The following MYO16 variants were observed in gnomAD, a reference collection of about 807,000 sequenced individuals.
MYO16 encodes myosin XVI.
Under a neutral mutation model 205.3 loss-of-function variants are expected in MYO16, and 94 were observed. The ratio of observed to expected loss-of-function variants is 0.46; its 90% CI spans 0.39 to 0.54. The LOEUF (loss-of-function observed/expected upper bound fraction) is 0.54, where lower values mean the gene tolerates loss of function less well. MYO16 is among the 20% of genes least tolerant of loss of function. MYO16 has a pLI of 0.00. For synonymous variants in MYO16, 988 were observed against 954.0 expected, an observed-to-expected ratio of 1.04 and a Z score of -0.66; for missense variants, 2,315 against 2,387.5, an observed-to-expected ratio of 0.97 and a Z score of 0.63.
At chr13:108,655,611 G>A (rs751265299) in intron 1 of MYO16, among the ~76,000 whole-genome samples, 11 of 152,070 alleles carry the variant, frequency 7.2e-5, no homozygotes, top group Non-Finnish European at 1.3e-4. Flanking sequence ...TAGATCCATC[G>A]ACAGCTTGCA....
the MYO16 span, among the ~76,000 whole-genome samples, chr13:108,501,905 T>C: frequency 5.9e-5 from 9 of 152,198 alleles, no homozygotes; most frequent in African/African-American, 2.2e-4. Flanking sequence ...GGTAGTTGAC[T>C]TTGGCAAATA....
intron 4 of MYO16, among the ~76,000 whole-genome samples, chr13:108,753,007 G>A (rs1308586904): frequency 6.6e-6 from 1 of 151,778 alleles, no homozygotes; most frequent in Non-Finnish European, 1.5e-5. Flanking sequence ...TCAGGTTGAT[G>A]TAAGAGATAG....
intron 23 of MYO16, among the ~76,000 whole-genome samples, chr13:109,023,686 CATATATATGTATATATGT>C (rs1886228081): frequency 8.4e-6 from 1 of 118,900 alleles, no homozygotes; most frequent in Non-Finnish European, 1.6e-5. Flanking sequence ...TGTATATATA[CATATATATGTATATATGT>C]ATATATACAA....
the MYO16 span, among the ~76,000 whole-genome samples, chr13:108,555,654 A>G: frequency 6.6e-6 from 1 of 152,206 alleles, no homozygotes; most frequent in Non-Finnish European, 1.5e-5. Flanking sequence ...TTTGTCATTA[A>G]CTGTAATTAC....
intron 16 of MYO16, among the ~76,000 whole-genome samples, chr13:108,938,484 G>A (rs1882585054): frequency 6.6e-6 from 1 of 152,214 alleles, no homozygotes; most frequent in South Asian, 2.1e-4. Context: ...GGAGAATCCA[G>A]TGGATGGCCA....
the MYO16 span, among the ~76,000 whole-genome samples, chr13:108,581,895 A>G: frequency 6.8e-6 from 1 of 146,054 alleles, no homozygotes; most frequent in African/African-American, 2.6e-5. Flanking sequence ...AAAAAAAAGA[A>G]AAAAAAAAAA....
chr13:108,712,919 C>A (rs549972041), intron 3 of MYO16, among the ~76,000 whole-genome samples, 188 bp downstream of exon 3: 1 of 152,318 alleles, frequency 6.6e-6, no homozygotes, highest in South Asian at 2.1e-4. Context: ...TGTAAATAAT[C>A]TAGAGTTTCT....
chr13:109,098,041 A>G (rs571154823), intron 27 of MYO16, among the ~76,000 whole-genome samples: 2 of 42,694 alleles, frequency 4.7e-5, no homozygotes, highest in African/African-American at 1.7e-4. Context: ...TGTGTGGCTC[A>G]TGAGCAACAG....
chr13:108,885,911 C>G (rs992834509), intron 13 of MYO16, among the ~76,000 whole-genome samples: 1 of 152,116 alleles, frequency 6.6e-6, no homozygotes, highest in African/African-American at 2.4e-5. Context: ...TAGTTTAACC[C>G]AACAGTTTTG....
chr13:108,846,473 T>C (rs1877526168), intron 10 of MYO16, among the ~76,000 whole-genome samples: 1 of 150,606 alleles, frequency 6.6e-6, no homozygotes, highest in African/African-American at 2.4e-5. Context: ...TATATATATA[T>C]ACATACATAT....
chr13:108,714,346 T>C (rs147739936), intron 3 of MYO16, among the ~76,000 whole-genome samples: 5,143 of 152,306 alleles, frequency 0.034, 257 homozygotes, highest in African/African-American at 0.11. Context: ...TGAGCCACCG[T>C]GCCCGCCCAT....
At chr13:108,759,635 C>A (rs990020233) in intron 4 of MYO16, among the ~76,000 whole-genome samples, 1 of 152,006 alleles carries the variant, frequency 6.6e-6, no homozygotes, top group Non-Finnish European at 1.5e-5. Flanking sequence ...TCCTGGCTAA[C>A]ACGGTGAAAC....
intron 1 of MYO16, among the ~76,000 whole-genome samples, chr13:108,652,794 C>T (rs1881069657): frequency 6.6e-6 from 1 of 152,172 alleles, no homozygotes; most frequent in Non-Finnish European, 1.5e-5. Flanking sequence ...TTTATCCATT[C>T]ATCTATGGAC....
At chr13:108,974,841 G>A (rs1884192916) in intron 20 of MYO16, among the ~76,000 whole-genome samples, 1 of 152,150 alleles carries the variant, frequency 6.6e-6, no homozygotes, top group African/African-American at 2.4e-5. Context: ...CAGTAAACCA[G>A]AACTTTGTTT....
At chr13:109,082,115 C>G (rs748442654) in intron 27 of MYO16, among the ~76,000 whole-genome samples, 3 of 152,164 alleles carry the variant, frequency 2.0e-5, no homozygotes, top group Non-Finnish European at 4.4e-5. Context: ...CAGAGCTTCT[C>G]AACTTGGCAT....
chr13:108,574,093 T>C, the MYO16 span, among the ~76,000 whole-genome samples: 24 of 152,172 alleles, frequency 1.6e-4, no homozygotes, highest in Non-Finnish European at 7.3e-5. Context: ...GTTCAAGCCA[T>C]CCTCCTGCCT....
intron 27 of MYO16, among the ~76,000 whole-genome samples, chr13:109,090,795 A>T (rs1052322723): frequency 6.6e-6 from 1 of 152,206 alleles, no homozygotes; most frequent in Non-Finnish European, 1.5e-5. Flanking sequence ...TCCTTAAAAG[A>T]AAAAATAACT....
chr13:108,846,400 G>T (rs1256822685), intron 10 of MYO16, among the ~76,000 whole-genome samples: 1 of 151,994 alleles, frequency 6.6e-6, no homozygotes, highest in South Asian at 2.1e-4. Flanking sequence ...TCTTATGGGT[G>T]CTTTCTCTTG....
intron 18 of MYO16, 93 bp downstream of exon 18, chr13:108,961,749 TGGCTTAA>T: frequency 1.0e-6 from 1 of 994,276 alleles, no homozygotes; most frequent in East Asian, 2.4e-5. Context: ...AAAAGCCAGT[TGGCTTAA>T]ACCCTTTCCT....
Sources: gnomAD v4.1 joint callset for allele counts (sites outside exome capture counted in the v4.1 genomes callset) on GRCh38, gnomAD v4.1.1 for gene constraint, MANE v1.5 for transcripts, NCBI Gene and HGNC (gene_info 2026-07-23, HGNC 2026-07-21) for gene names.